Variants in CHRM3 observed in about 807,000 individuals in gnomAD.
The protein encoded by CHRM3 is cholinergic receptor muscarinic 3, also known as muscarinic acetylcholine receptor M3.
Under a neutral mutation model 41.8 loss-of-function variants are expected in CHRM3, and 11 were observed. That is an observed-to-expected ratio of 0.26 (90% CI 0.17 to 0.44). The LOEUF is 0.44. Among genes scored for constraint, CHRM3 ranks in the 20% least tolerant of loss-of-function variants. The pLI, the probability that CHRM3 is intolerant of heterozygous loss-of-function variation, is 1.00. For missense variants in CHRM3, 571 were observed against 745.4 expected, an observed-to-expected ratio of 0.77 and a Z score of 2.72; for synonymous variants, 297 against 301.4, an observed-to-expected ratio of 0.99 and a Z score of 0.15.
At chr1:239,651,158 A>G (rs554894984) in intron 4 of CHRM3, among the ~76,000 whole-genome samples, 27 of 152,222 alleles carry the variant, frequency 1.8e-4, no homozygotes, top group Non-Finnish European at 3.5e-4. Context: ...CTTAGAAAAA[A>G]ATAGCTAACA....
At position 239,537,375 on chromosome 1, in the gene CHRM3, C is replaced by T. The variant is rs1022004019; in HGVS notation, c.-421-8266C>T. 2.0e-5 allele frequency among the ~76,000 whole-genome samples: 3 copies of T among 152,082 alleles called. No homozygotes were observed. The South Asian group carries it at 6.2e-4, about 32-fold the overall frequency. On this transcript the variant is annotated intron_variant, in intron 2 of 6. Transcript: ENST00000676153. ...GGGAGATTTTTCTCATGGTGAAAGG[C>T]TAAGCAGGAGCAGGCACTTTACGTG...
intron 5 of CHRM3, among the ~76,000 whole-genome samples, chr1:239,689,314 T>C (rs998590922): frequency 1.3e-5 from 2 of 152,144 alleles, no homozygotes; most frequent in Non-Finnish European, 2.9e-5. Flanking sequence ...AAATGTAAGA[T>C]GCAGGAGGAT....
intron 3 of CHRM3, among the ~76,000 whole-genome samples, chr1:239,621,527 T>C (rs1455877378): frequency 2.0e-5 from 3 of 152,148 alleles, no homozygotes; most frequent in Admixed American, 6.6e-5. Context: ...AAATGAAAAG[T>C]GCTACTCCAG....
intron 1 of CHRM3, among the ~76,000 whole-genome samples, chr1:239,438,658 A>G (rs1663462322): frequency 6.6e-6 from 1 of 152,192 alleles, no homozygotes; most frequent in Non-Finnish European, 1.5e-5. Context: ...GCTTTCATGG[A>G]CTACAAAAAG....
At chr1:239,780,336 A>G (rs1188724810) in intron 5 of CHRM3, among the ~76,000 whole-genome samples, 1 of 152,186 alleles carries the variant, frequency 6.6e-6, no homozygotes, top group East Asian at 1.9e-4. Context: ...ATAGGTGTGT[A>G]GTGGTATCCT....
At chr1:239,430,656 A>C (rs1178486704) in intron 1 of CHRM3, among the ~76,000 whole-genome samples, 1 of 147,414 alleles carries the variant, frequency 6.8e-6, no homozygotes, top group African/African-American at 2.5e-5. Context: ...AGATATTAAG[A>C]TGTGTGCACA....
intron 1 of CHRM3, among the ~76,000 whole-genome samples, chr1:239,399,736 C>CATTCTTCTGTTGATAGACACTT (rs57736286): frequency 0.45 from 67,104 of 150,776 alleles, 15,494 homozygotes; most frequent in Admixed American, 0.61. Context: ...TTTCTTTCTC[C>CATTCTTCTGTTGATAGACACTT]ATTCTTCTGT....
At chr1:239,872,938 AT>A (rs57532119) in intron 6 of CHRM3, among the ~76,000 whole-genome samples, 6,505 of 150,126 alleles carry the variant, frequency 0.043, 489 homozygotes, top group African/African-American at 0.15. Flanking sequence ...TCCAGTTTGT[AT>A]TTTTTTTTTC....
At chr1:239,757,524 G>A (rs1244124166) in intron 5 of CHRM3, among the ~76,000 whole-genome samples, 1 of 152,026 alleles carries the variant, frequency 6.6e-6, no homozygotes, top group Non-Finnish European at 1.5e-5. Context: ...CAGGTACTCG[G>A]GAGGCTGAGG....
At chr1:239,585,705 AT>A (rs1663332747) in intron 3 of CHRM3, among the ~76,000 whole-genome samples, 1 of 152,198 alleles carries the variant, frequency 6.6e-6, no homozygotes, top group Admixed American at 6.5e-5. Flanking sequence ...GGACATTTGT[AT>A]TTCAATACAT....
chr1:239,421,252 T>C (rs2103101109), intron 1 of CHRM3, among the ~76,000 whole-genome samples: 1 of 152,330 alleles, frequency 6.6e-6, no homozygotes, highest in Admixed American at 6.5e-5. Flanking sequence ...TTTAGCACTT[T>C]TTAACTTTCA....
intron 1 of CHRM3, among the ~76,000 whole-genome samples, chr1:239,394,166 T>A (rs975449989): frequency 1.3e-5 from 2 of 152,112 alleles, no homozygotes; most frequent in Non-Finnish European, 2.9e-5. Flanking sequence ...ATTTCTTAGG[T>A]TTTAAAACAG....
chr1:239,695,042 C>A (rs184930018), intron 5 of CHRM3, among the ~76,000 whole-genome samples: 1 of 152,168 alleles, frequency 6.6e-6, no homozygotes, highest in East Asian at 1.9e-4. Context: ...GACGGAGTCT[C>A]GCTCTGTTGC....
At chr1:239,814,635 A>G (rs148618980) in intron 5 of CHRM3, among the ~76,000 whole-genome samples, 4 of 152,180 alleles carry the variant, frequency 2.6e-5, no homozygotes, top group Non-Finnish European at 5.9e-5. Context: ...GTGACTATGC[A>G]CTAGTGAGAA....
chr1:239,874,284 A>AGT (rs1676851070), intron 6 of CHRM3, among the ~76,000 whole-genome samples: 1 of 81,834 alleles, frequency 1.2e-5, no homozygotes, highest in East Asian at 3.2e-4. Context: ...CTATATACAC[A>AGT]GTATATATAT....
chr1:239,424,471 G>A (rs965576740), intron 1 of CHRM3, among the ~76,000 whole-genome samples: 2 of 152,168 alleles, frequency 1.3e-5, no homozygotes, highest in Non-Finnish European at 2.9e-5. Context: ...ATGACATTTT[G>A]TTCATTCATT....
chr1:239,878,723 T>G (rs1202010346), intron 6 of CHRM3, among the ~76,000 whole-genome samples: 2 of 152,008 alleles, frequency 1.3e-5, no homozygotes, highest in African/African-American at 4.8e-5. Context: ...GCAAAGGGGA[T>G]GATTAAGACC....
At chr1:239,859,825 A>ATATG (rs1675477411) in intron 6 of CHRM3, among the ~76,000 whole-genome samples, 1 of 38,440 alleles carries the variant, frequency 2.6e-5, no homozygotes, top group South Asian at 1.4e-3. Context: ...TGTTTTATAT[A>ATATG]TATATATATA....
intron 5 of CHRM3, among the ~76,000 whole-genome samples, chr1:239,802,296 A>G (rs562517149): frequency 4.1e-4 from 62 of 152,312 alleles, no homozygotes; most frequent in Non-Finnish European, 7.9e-4. Context: ...ATAGAAAAAA[A>G]TATTATCTGA....
Sources: allele counts gnomAD v4.1 joint callset (sites outside exome capture counted in the v4.1 genomes callset), GRCh38; gene constraint gnomAD v4.1.1; transcripts MANE v1.5; gene names NCBI Gene and HGNC (gene_info 2026-07-23, HGNC 2026-07-21).